Variants in LMBR1 observed in about 807,000 individuals in gnomAD.
LMBR1 encodes the protein limb region 1 protein homolog.
Under a neutral mutation model 73.9 loss-of-function variants are expected in LMBR1, and 52 were observed. The observed-to-expected ratio is 0.70, with a 90% CI of 0.56 to 0.89. The LOEUF is 0.89. LMBR1 is among the 40% of genes least tolerant of loss of function. The probability of loss-of-function intolerance (pLI) is 0.00; values close to 1 mark genes in which losing one functional copy is unlikely to be tolerated. For missense variants in LMBR1, 539 were observed against 579.8 expected (o/e 0.93, Z 0.72); for synonymous variants, 215 against 209.4 (o/e 1.03, Z -0.23).
chr7:156,669,665 C>T lies in LMBR1; in HGVS notation n.867-378G>A, dbSNP rs557657308. Among the ~76,000 whole-genome samples, 4 of 152,272 alleles carry T rather than the reference C, an allele frequency of 2.6e-5. No homozygotes were observed. Among genetic ancestry groups the T allele is most frequent in the African/African-American group, 9.6e-5 (4 of 41,558 alleles). ...ACACTGGAAACTGCCCTCAGAGCCC[C>T]GGGGATGCGAGGTCAGCAGCTGGGA... On this transcript the variant is annotated intron_variant and non_coding_transcript_variant, in intron 4 of 4. Transcript: ENST00000430825. The surrounding 1 kb of genome is among the most constrained non-coding windows in gnomAD (Gnocchi z 4.2).
At chr7:156,817,297 A>G (rs1210165897) in intron 4 of LMBR1, among the ~76,000 whole-genome samples, 2 of 152,208 alleles carry the variant, frequency 1.3e-5, no homozygotes, top group African/African-American at 4.8e-5. Context: ...GCCATACTCA[A>G]TAATTTCCAA....
chr7:156,813,401 C>A (rs1833416580), intron 4 of LMBR1, among the ~76,000 whole-genome samples: 1 of 152,148 alleles, frequency 6.6e-6, no homozygotes, highest in South Asian at 2.1e-4. Context: ...GTTGGCCTCC[C>A]CAAATACTTA....
intron 9 of LMBR1, among the ~76,000 whole-genome samples, chr7:156,740,380 T>A (rs1380633311): frequency 6.6e-6 from 1 of 152,008 alleles, no homozygotes; most frequent in African/African-American, 2.4e-5. Context: ...CAGAAAGATA[T>A]CAACATTTAA....
chr7:156,716,171 G>A (rs1249073294), intron 15 of LMBR1, among the ~76,000 whole-genome samples: 1 of 152,202 alleles, frequency 6.6e-6, no homozygotes. Context: ...ATACAAGGTT[G>A]AAAGTGCAAG....
rs777966778 is a variant in LMBR1, at chr7:156,706,171, A to G, written c.1225+17941T>C. Among the ~76,000 whole-genome samples, 450 of 151,694 alleles carry G rather than the reference A, an allele frequency of 3.0e-3. 2 individuals carry two copies. The highest frequency in any genetic ancestry group is 5.3e-3 in the Non-Finnish European group (361 of 67,918). On this transcript the variant is annotated intron_variant, in intron 15 of 16. Coordinates refer to ENST00000353442, the MANE Select transcript of LMBR1 (RefSeq NM_022458.4). Reference sequence around the variant, plus strand: ...ATCAAAAACAGTTAAAAAAAAAAAAAGACAACAAAGGTCATTATATAATGA... The same window carrying G: ...ATCAAAAACAGTTAAAAAAAAAAAAGGACAACAAAGGTCATTATATAATGA...
chr7:156,759,181 G>T (rs1339202119), intron 8 of LMBR1, among the ~76,000 whole-genome samples: 1 of 152,208 alleles, frequency 6.6e-6, no homozygotes. Flanking sequence ...TTCCCAGATG[G>T]GGAGACAAAA....
intron 15 of LMBR1, among the ~76,000 whole-genome samples, chr7:156,700,420 C>T (rs2132046980): frequency 6.6e-6 from 1 of 151,930 alleles, no homozygotes; most frequent in South Asian, 2.1e-4. Flanking sequence ...GGAGGGATAG[C>T]ATTAGGAGAT....
chr7:156,830,328 G>A (rs1836453153), intron 3 of LMBR1, among the ~76,000 whole-genome samples: 1 of 151,846 alleles, frequency 6.6e-6, no homozygotes, highest in South Asian at 2.1e-4. Context: ...ATATTTCATG[G>A]GTTAGTATTT....
chr7:156,810,367 G>C (rs1832885776), intron 4 of LMBR1, among the ~76,000 whole-genome samples: 1 of 152,078 alleles, frequency 6.6e-6, no homozygotes, highest in Admixed American at 6.6e-5. Context: ...CCTCCCACTA[G>C]ATCCACCTCC....
chr7:156,792,852 T>C lies in LMBR1; in HGVS notation c.423+3537A>G, dbSNP rs549852747. ...AATCCATGGGAGTAGAGTGGGGCCA[T>C]ATGCCATTTAGGGATACACCAGACT... On this transcript the variant is annotated intron_variant, in intron 5 of 16. Coordinates refer to ENST00000353442, the MANE Select transcript of LMBR1 (RefSeq NM_022458.4). Among the ~76,000 whole-genome samples, 41 of 150,796 alleles carry C rather than the reference T, an allele frequency of 2.7e-4. No individual in the cohort carries two copies. Among genetic ancestry groups the C allele is most frequent in the Admixed American group, 2.6e-3 (39 of 15,088 alleles).
intron 9 of LMBR1, among the ~76,000 whole-genome samples, chr7:156,741,727 T>C (rs927805242): frequency 6.6e-6 from 1 of 152,174 alleles, no homozygotes; most frequent in Non-Finnish European, 1.5e-5. Flanking sequence ...CTTTCAGCAT[T>C]GGATAGATCT....
At chr7:156,805,508 GC>G (rs1265409032) in intron 4 of LMBR1, among the ~76,000 whole-genome samples, 4 of 152,154 alleles carry the variant, frequency 2.6e-5, no homozygotes, top group Non-Finnish European at 5.9e-5. Context: ...AAGCCACCGT[GC>G]CCAGCCACAC....
intron 9 of LMBR1, among the ~76,000 whole-genome samples, chr7:156,736,093 G>A (rs1817811883): frequency 6.6e-6 from 1 of 152,176 alleles, no homozygotes; most frequent in Non-Finnish European, 1.5e-5. Flanking sequence ...GTCACTATGA[G>A]GAAGAATAAA....
Position 156,792,480 on chromosome 7 carries a change from TA to T in LMBR1, c.423+3908del, listed in dbSNP as rs887152265. 1.2e-3 allele frequency among the ~76,000 whole-genome samples: 177 copies of T among 151,602 alleles called. No individual in the cohort carries two copies. The highest frequency in any genetic ancestry group is 4.1e-3 in the African/African-American group (171 of 41,354). ...TCCAAGATAAAAGTTAGCTGCTTACTAAAAAAAAACTTTTACTTTATCAAAA... is the reference window on the plus strand; with the variant it reads ...TCCAAGATAAAAGTTAGCTGCTTACTAAAAAAAACTTTTACTTTATCAAAA... On this transcript the variant is annotated intron_variant, in intron 5 of 16. Coordinates refer to ENST00000353442, the MANE Select transcript of LMBR1 (RefSeq NM_022458.4).
downstream of LMBR1, among the ~76,000 whole-genome samples, chr7:156,677,344 C>T (rs1238543349): frequency 1.3e-5 from 2 of 152,138 alleles, no homozygotes; most frequent in Non-Finnish European, 2.9e-5. Context: ...GCTGAAGACA[C>T]ATGATTTCTG....
At chr7:156,852,558 C>T (rs1796378220) in intron 1 of LMBR1, among the ~76,000 whole-genome samples, 1 of 152,190 alleles carries the variant, frequency 6.6e-6, no homozygotes. Flanking sequence ...ATGATTCTCA[C>T]TTGGAGTTTT....
chr7:156,824,143 C>T (rs978963177), intron 4 of LMBR1, among the ~76,000 whole-genome samples: 2 of 123,430 alleles, frequency 1.6e-5, no homozygotes, highest in African/African-American at 3.1e-5. Flanking sequence ...TATATACACA[C>T]GCGCGCGCGC....
At chr7:156,708,189 C>T (rs1811372924) in intron 15 of LMBR1, among the ~76,000 whole-genome samples, 1 of 152,142 alleles carries the variant, frequency 6.6e-6, no homozygotes, top group South Asian at 2.1e-4. Flanking sequence ...TGCGCGGAGA[C>T]TCACACCATC....
At chr7:156,756,886 A>G (rs1017520736) in intron 8 of LMBR1, among the ~76,000 whole-genome samples, 2 of 152,070 alleles carry the variant, frequency 1.3e-5, no homozygotes, top group African/African-American at 4.8e-5. Flanking sequence ...CGATAATCTC[A>G]GCTCACTGCA....
Sources: gnomAD v4.1 joint callset for allele counts (sites outside exome capture counted in the v4.1 genomes callset) on GRCh38, gnomAD v4.1.1 for gene constraint, Gnocchi (gnomAD v3.1) non-coding constraint, MANE v1.5 for transcripts, NCBI Gene and HGNC (gene_info 2026-07-23, HGNC 2026-07-21) for gene names.